Variants in LRFN5 observed in about 807,000 individuals in gnomAD.
The protein encoded by LRFN5 is leucine-rich repeat and fibronectin type-III domain-containing protein 5.
In LRFN5, 24 loss-of-function variants were observed where a neutral mutation model predicts 45.6. The observed-to-expected ratio is 0.53, with a 90% CI of 0.38 to 0.74. The LOEUF is 0.74. LRFN5 is among the 30% of genes least tolerant of loss of function. The probability of loss-of-function intolerance (pLI) is 0.00; values close to 1 mark genes in which losing one functional copy is unlikely to be tolerated. For missense variants in LRFN5, 776 were observed against 861.5 expected, an observed-to-expected ratio of 0.90 and a Z score of 1.24; for synonymous variants, 340 against 313.8, an observed-to-expected ratio of 1.08 and a Z score of -0.88.
At chr14:41,821,075 C>T (rs1227710310) in intron 2 of LRFN5, among the ~76,000 whole-genome samples, 1 of 151,876 alleles carries the variant, frequency 6.6e-6, no homozygotes, top group Non-Finnish European at 1.5e-5. Flanking sequence ...AAATTGAGTT[C>T]CTCCTTTCCA....
At chr14:41,782,114 C>G (rs561373496) in intron 2 of LRFN5, among the ~76,000 whole-genome samples, 50 of 151,754 alleles carry the variant, frequency 3.3e-4, no homozygotes, top group African/African-American at 1.2e-3. Flanking sequence ...AAATATTTTC[C>G]TACTCCATTA....
At chr14:41,761,255 G>T (rs1459068508) in intron 1 of LRFN5, among the ~76,000 whole-genome samples, 2 of 151,304 alleles carry the variant, frequency 1.3e-5, no homozygotes, top group African/African-American at 4.9e-5. Flanking sequence ...GGGAAAAAGA[G>T]AGAGGGAGGG....
At chr14:41,650,266 C>CACACACACACACACACAA (rs1247683262) in intron 1 of LRFN5, among the ~76,000 whole-genome samples, 1 of 135,454 alleles carries the variant, frequency 7.4e-6, no homozygotes, top group African/African-American at 2.8e-5. Context: ...CACACACACA[C>CACACACACACACACACAA]AAAAAAAAAA....
intron 1 of LRFN5, among the ~76,000 whole-genome samples, chr14:41,674,302 G>A (rs866941629): frequency 6.3e-4 from 77 of 122,590 alleles, no homozygotes; most frequent in African/African-American, 1.8e-3. Flanking sequence ...CTCACCTCCC[G>A]GACGGGGCGG....
At chr14:41,780,952 T>C (rs561797586) in intron 2 of LRFN5, among the ~76,000 whole-genome samples, 1 of 152,284 alleles carries the variant, frequency 6.6e-6, no homozygotes, top group East Asian at 1.9e-4. Context: ...AACAGAATGT[T>C]GCCAATTTCT....
At chr14:41,892,473 A>C in intron 4 of LRFN5, 6 of 980,700 alleles carry the variant, frequency 6.1e-6, no homozygotes, top group Non-Finnish European at 7.3e-6. Context: ...TTGTAGAAAA[A>C]AGTATTGCAT....
rs375280324 is a variant in LRFN5 at position 41,891,238 on chromosome 14, A to G, written c.1386-12A>G. 5.7e-5 allele frequency: 91 copies of G among 1,605,194 alleles called. No individual in the cohort carries two copies. In the Middle Eastern group the frequency reaches 6.6e-4, roughly 12 times the overall value. On this transcript the variant is annotated splice_polypyrimidine_tract_variant and intron_variant, in intron 3 of 5. Coordinates refer to ENST00000298119, the MANE Select transcript of LRFN5 (RefSeq NM_152447.5). ...TGTTATTAATATTAACACAAATTCC[A>G]TTGTCCCTCAGAATGATACCTCCTA...
chr14:41,650,823 A>G (rs939107948), intron 1 of LRFN5, among the ~76,000 whole-genome samples: 1 of 150,160 alleles, frequency 6.7e-6, no homozygotes, highest in Non-Finnish European at 1.5e-5. Context: ...GCTCTTAAGT[A>G]AAAGTAGACA....
intron 2 of LRFN5, among the ~76,000 whole-genome samples, chr14:41,770,472 T>C (rs554832405): frequency 5.3e-5 from 8 of 152,174 alleles, no homozygotes; most frequent in Non-Finnish European, 1.2e-4. Context: ...CAAAATACAA[T>C]GATGCTACTG....
At chr14:41,783,881 A>G (rs1036900486) in intron 2 of LRFN5, among the ~76,000 whole-genome samples, 22 of 152,078 alleles carry the variant, frequency 1.4e-4, no homozygotes, top group African/African-American at 4.6e-4. Context: ...AATGTAGTAC[A>G]ATTTATTAGT....
At chr14:41,721,014 T>A (rs888817860) in intron 1 of LRFN5, among the ~76,000 whole-genome samples, 1 of 152,124 alleles carries the variant, frequency 6.6e-6, no homozygotes, top group Non-Finnish European at 1.5e-5. Context: ...TGTGGCTCTG[T>A]AAGTCTTTTC....
chr14:41,803,123 A>G (rs1430748570), intron 2 of LRFN5, among the ~76,000 whole-genome samples: 1 of 152,198 alleles, frequency 6.6e-6, no homozygotes, highest in Non-Finnish European at 1.5e-5. Context: ...CAAGTATGTA[A>G]TTATTTATGT....
chr14:41,743,945 ATGT>A (rs954067328), intron 1 of LRFN5, among the ~76,000 whole-genome samples: 6 of 152,198 alleles, frequency 3.9e-5, no homozygotes, highest in African/African-American at 1.4e-4. Context: ...AGGAGTAGAG[ATGT>A]TGTACATTAT....
chr14:41,732,494 G>A (rs1884222542), intron 1 of LRFN5, among the ~76,000 whole-genome samples: 1 of 152,074 alleles, frequency 6.6e-6, no homozygotes, highest in Non-Finnish European at 1.5e-5. Context: ...CACTTGCCAA[G>A]GGGAAGTTAC....
intron 1 of LRFN5, among the ~76,000 whole-genome samples, chr14:41,697,132 T>C (rs1019796469): frequency 5.9e-5 from 9 of 151,984 alleles, no homozygotes; most frequent in Non-Finnish European, 2.9e-5. Flanking sequence ...TTTTCTAATA[T>C]AATTTTTATA....
At chr14:41,681,011 T>C (rs763550298) in intron 1 of LRFN5, among the ~76,000 whole-genome samples, 27 of 151,974 alleles carry the variant, frequency 1.8e-4, no homozygotes, top group South Asian at 4.1e-4. Flanking sequence ...AACAGCCAAA[T>C]TGATCAAGTA....
intron 1 of LRFN5, among the ~76,000 whole-genome samples, chr14:41,753,751 C>T (rs1002522640): frequency 2.0e-5 from 3 of 152,060 alleles, no homozygotes; most frequent in African/African-American, 7.2e-5. Context: ...AATTGAATAC[C>T]CTTTATTTCC....
intron 2 of LRFN5, among the ~76,000 whole-genome samples, chr14:41,785,842 G>T (rs370952374): frequency 6.6e-6 from 1 of 152,078 alleles, no homozygotes; most frequent in Non-Finnish European, 1.5e-5. Flanking sequence ...TTCACAGTGG[G>T]GTTCACACCC....
At chr14:41,784,941 T>C (rs1258441744) in intron 2 of LRFN5, among the ~76,000 whole-genome samples, 1 of 152,124 alleles carries the variant, frequency 6.6e-6, no homozygotes, top group Non-Finnish European at 1.5e-5. Context: ...GTAGCCTCTT[T>C]AATTGTTAAA....
Sources: gnomAD v4.1 joint callset for allele counts (sites outside exome capture counted in the v4.1 genomes callset) on GRCh38, gnomAD v4.1.1 for gene constraint, MANE v1.5 for transcripts, NCBI Gene and HGNC (gene_info 2026-07-23, HGNC 2026-07-21) for gene names.